Variants in SMAP1 observed in about 807,000 individuals in gnomAD.
SMAP1 encodes the protein stromal membrane-associated protein 1.
SMAP1 carries 24 observed loss-of-function variants against 58.5 expected under a neutral mutation model. The observed-to-expected ratio is 0.41, with a 90% CI of 0.30 to 0.58. The LOEUF (loss-of-function observed/expected upper bound fraction) is 0.58. Ranked by LOEUF, SMAP1 falls within the 20% of genes least tolerant of loss-of-function variation. SMAP1 has a pLI of 0.29. For synonymous variants in SMAP1, 216 were observed against 196.6 expected, an observed-to-expected ratio of 1.10 and a Z score of -0.82; for missense variants, 563 against 566.3, an observed-to-expected ratio of 0.99 and a Z score of 0.06.
At chr6:70,670,597 C>T (rs1766222513) in intron 1 of SMAP1, among the ~76,000 whole-genome samples, 1 of 152,194 alleles carries the variant, frequency 6.6e-6, no homozygotes, top group Admixed American at 6.5e-5. Context: ...AGGTCTTACT[C>T]TACAGCTCAG....
chr6:70,746,611 A>G (rs912654872), intron 2 of SMAP1, among the ~76,000 whole-genome samples: 3 of 152,258 alleles, frequency 2.0e-5, no homozygotes, highest in Admixed American at 6.5e-5. Flanking sequence ...GATGTTCATC[A>G]GGGATATTGG....
chr6:70,803,979 G>C (rs955684641), intron 6 of SMAP1, among the ~76,000 whole-genome samples: 4 of 152,210 alleles, frequency 2.6e-5, no homozygotes, highest in Non-Finnish European at 5.9e-5. Flanking sequence ...TTGGGGTGGA[G>C]AGTTCTGTAG....
intron 1 of SMAP1, among the ~76,000 whole-genome samples, chr6:70,674,715 TG>T (rs1170403698): frequency 6.6e-6 from 1 of 152,224 alleles, no homozygotes; most frequent in Non-Finnish European, 1.5e-5. Context: ...GGTTCATGCC[TG>T]TAATTTCAGC....
intron 1 of SMAP1, among the ~76,000 whole-genome samples, chr6:70,716,440 T>C (rs1333087905): frequency 3.9e-5 from 6 of 152,190 alleles, no homozygotes; most frequent in Non-Finnish European, 1.5e-5. Flanking sequence ...TTTGCTCACT[T>C]GCCCACCACT....
In SMAP1 at chr6:70,682,036, A is replaced by G. The variant is rs141463097; in HGVS notation, c.118+13895A>G. Among the ~76,000 whole-genome samples, 1,248 of 152,284 alleles carry G rather than the reference A, an allele frequency of 8.2e-3. 13 individuals are homozygous for G. Among genetic ancestry groups the G allele is most frequent in the African/African-American group, 0.029 (1,196 of 41,556 alleles). ...AGCTTTTGACAGGAGAAAAAAGATC[A>G]GGAAGAATATGGATCAATTTGTGAG... On this transcript the variant is annotated intron_variant, in intron 1 of 10. Transcript: ENST00000370455.
At position 70,859,223 on chromosome 6, in the gene SMAP1, G is replaced by A. The variant is rs546004735; in HGVS notation, c.1270-977G>A. ...CTACCCGCTGGGAATCTAAAAAATT[G>A]TATGTGCTAAGTGTCAGTCACATGG... On this transcript the variant is annotated intron_variant, in intron 10 of 10. Transcript: ENST00000370455. 4.4e-6 allele frequency: 3 copies of A among 689,482 alleles called. No individual in the cohort carries two copies. In the Admixed American group the frequency reaches 9.9e-5, roughly 23 times the overall value. 42.7% of individuals were successfully genotyped at this position (689,482 alleles called of 1,614,324 possible). A position where few individuals can be genotyped will look rare whatever the true frequency, so the allele number is the denominator to read the frequency against.
intron 2 of SMAP1, among the ~76,000 whole-genome samples, chr6:70,746,719 A>G (rs1356273994): frequency 6.6e-6 from 1 of 151,986 alleles, no homozygotes; most frequent in Non-Finnish European, 1.5e-5. Flanking sequence ...TTCTTTTTCT[A>G]TTGATTGGAA....
At chr6:70,762,285 T>G (rs537142657) in intron 3 of SMAP1, among the ~76,000 whole-genome samples, 2 of 152,286 alleles carry the variant, frequency 1.3e-5, no homozygotes, top group Admixed American at 6.5e-5. Flanking sequence ...AACCCAGCCA[T>G]GTACATTCAT....
intron 7 of SMAP1, among the ~76,000 whole-genome samples, chr6:70,849,611 AAATT>A (rs1381269646): frequency 6.6e-6 from 1 of 152,158 alleles, no homozygotes; most frequent in East Asian, 1.9e-4. Flanking sequence ...TTGAATAAAT[AAATT>A]ATTATAGGCA....
chr6:70,714,174 T>C (rs1055423428), intron 1 of SMAP1, among the ~76,000 whole-genome samples: 3 of 152,168 alleles, frequency 2.0e-5, no homozygotes, highest in South Asian at 4.1e-4. Context: ...TCTTTTTTTT[T>C]TAAATTCATT....
chr6:70,706,666 T>C (rs1446171157), intron 1 of SMAP1, among the ~76,000 whole-genome samples: 1 of 152,170 alleles, frequency 6.6e-6, no homozygotes, highest in Non-Finnish European at 1.5e-5. Flanking sequence ...ATTTAATACA[T>C]GCCTTTAAAC....
At chr6:70,829,990 A>G (rs946531259) in intron 6 of SMAP1, among the ~76,000 whole-genome samples, 1 of 152,198 alleles carries the variant, frequency 6.6e-6, no homozygotes, top group African/African-American at 2.4e-5. Flanking sequence ...AATGAATCAC[A>G]AAAAGATTGG....
At chr6:70,766,249 G>C (rs1766980502) in intron 3 of SMAP1, among the ~76,000 whole-genome samples, 1 of 152,054 alleles carries the variant, frequency 6.6e-6, no homozygotes, top group East Asian at 1.9e-4. Context: ...ATAATCCTTT[G>C]GGTACATACC....
intron 1 of SMAP1, among the ~76,000 whole-genome samples, chr6:70,718,131 G>A (rs1178113785): frequency 6.6e-6 from 1 of 151,590 alleles, no homozygotes; most frequent in Non-Finnish European, 1.5e-5. Context: ...TTGTTTACTG[G>A]CAACCAGGCA....
intron 1 of SMAP1, among the ~76,000 whole-genome samples, chr6:70,695,630 A>T (rs990926467): frequency 6.6e-5 from 10 of 152,322 alleles, no homozygotes; most frequent in African/African-American, 2.2e-4. Flanking sequence ...CCTTGGGATA[A>T]ATCCCACTTG....
At chr6:70,767,475 A>G (rs988886215) in intron 3 of SMAP1, among the ~76,000 whole-genome samples, 1 of 152,110 alleles carries the variant, frequency 6.6e-6, no homozygotes, top group African/African-American at 2.4e-5. Flanking sequence ...ATCCCTTGTA[A>G]GTTGGATTCC....
intron 6 of SMAP1, among the ~76,000 whole-genome samples, chr6:70,826,253 C>A (rs983423929): frequency 6.6e-6 from 1 of 152,160 alleles, no homozygotes; most frequent in Non-Finnish European, 1.5e-5. Flanking sequence ...CACTCTAGGT[C>A]ATTCTTTGAG....
intron 4 of SMAP1, among the ~76,000 whole-genome samples, chr6:70,784,986 T>C (rs1258743126): frequency 1.3e-5 from 2 of 152,054 alleles, no homozygotes; most frequent in South Asian, 4.2e-4. Flanking sequence ...CCACCCCAGA[T>C]CAACAGAATA....
In SMAP1 at chr6:70,856,906, T is replaced by C; in HGVS notation, c.837T>C (p.Ser279=). The C allele has an allele frequency of 1.2e-6, 2 of 1,613,936 alleles. No individual in the cohort carries two copies. The highest frequency in any genetic ancestry group is 1.7e-6 in the Non-Finnish European group (2 of 1,179,840). The change falls in exon 9 of 11, where the codon TCT becomes TCC. Residue 279 remains serine, a synonymous_variant. Transcript: ENST00000370455. ...CTGCAACCCTGTCTACAGTAACATC[T>C]GGGGATCTAGATTTATTCACTGAGC... ...PAAATLSTVT[S]GDLDLFTEQT... is the part of the protein sequence containing the mutation.
Sources: allele counts gnomAD v4.1 joint callset (sites outside exome capture counted in the v4.1 genomes callset), GRCh38; gene constraint gnomAD v4.1.1; transcripts MANE v1.5; gene names NCBI Gene and HGNC (gene_info 2026-07-23, HGNC 2026-07-21).